IQSEC1: variants seen among roughly 807,000 people sequenced by gnomAD.
IQSEC1 encodes IQ motif and SEC7 domain-containing protein 1.
In IQSEC1, 31 loss-of-function variants were observed where a neutral mutation model predicts 91.0. That is an observed-to-expected ratio of 0.34 (90% confidence interval 0.26 to 0.46). The LOEUF (loss-of-function observed/expected upper bound fraction) is 0.46. Ranked by LOEUF, IQSEC1 falls within the 20% of genes least tolerant of loss-of-function variation. The probability of loss-of-function intolerance (pLI) is 1.00; values close to 1 mark genes in which losing one functional copy is unlikely to be tolerated. For synonymous variants in IQSEC1, 699 were observed against 662.6 expected (o/e 1.05, Z -0.84); for missense variants, 1,388 against 1,575.6 (o/e 0.88, Z 2.02).
intron 2 of IQSEC1, among the ~76,000 whole-genome samples, chr3:13,148,419 G>A (rs530425): frequency 0.096 from 14,608 of 152,192 alleles, 919 homozygotes; most frequent in Non-Finnish European, 0.14. Context: ...ACTCTGCCAC[G>A]AATCAAATCA....
chr3:13,117,723 G>A (rs7641728), intron 2 of IQSEC1, among the ~76,000 whole-genome samples: 20,450 of 150,594 alleles, frequency 0.14, 1,431 homozygotes, highest in South Asian at 0.17. Context: ...CATCTCTACT[G>A]AAAATACAAA....
chr3:13,050,288 C>A (rs922490813), intron 1 of IQSEC1, among the ~76,000 whole-genome samples: 1 of 151,986 alleles, frequency 6.6e-6, no homozygotes, highest in Non-Finnish European at 1.5e-5. Flanking sequence ...CAGCAGTGCA[C>A]AGGCCAGGAA....
At chr3:13,124,777 C>T (rs966880689) in intron 2 of IQSEC1, among the ~76,000 whole-genome samples, 1 of 43,850 alleles carries the variant, frequency 2.3e-5, no homozygotes, top group Non-Finnish European at 3.8e-5. Context: ...GCTCCTGGAT[C>T]CCCCCCAGAC....
rs552183962 is a variant in IQSEC1, at chr3:13,259,853, C to A, written c.272+22858G>T. Among the ~76,000 whole-genome samples, 1 of 152,240 alleles carries A rather than the reference C, an allele frequency of 6.6e-6. No individual in the cohort carries two copies. Among genetic ancestry groups the A allele is most frequent in the Admixed American group, 6.5e-5 (1 of 15,284 alleles). On this transcript the variant is annotated intron_variant, in intron 1 of 15. Transcript: ENST00000648114. This position sits in a 1 kb window ranked among gnomAD's most constrained non-coding sequence, Gnocchi z 4.6. The stretch of plus-strand genomic sequence containing the variant: ...GGGGCTTGCTTGTTGTGGCGCTCAG[C>A]GGGAGAAGTTTCTACCATATACAGT...
At chr3:13,102,526 T>C (rs922458821) in intron 2 of IQSEC1, among the ~76,000 whole-genome samples, 1 of 152,136 alleles carries the variant, frequency 6.6e-6, no homozygotes, top group African/African-American at 2.4e-5. Flanking sequence ...TGAAAACCTG[T>C]GCTTCACGGG....
At chr3:13,155,406 C>T (rs1707071186) in intron 2 of IQSEC1, among the ~76,000 whole-genome samples, 1 of 152,112 alleles carries the variant, frequency 6.6e-6, no homozygotes, top group South Asian at 2.1e-4. Context: ...AAACACCAAA[C>T]CTACTGAGAC....
chr3:13,103,637 A>T lies in IQSEC1; in HGVS notation c.303-56115T>A, dbSNP rs1003497131. Among the ~76,000 whole-genome samples, 4 of 152,136 alleles carry T rather than the reference A, an allele frequency of 2.6e-5. No individual in the cohort carries two copies. In the South Asian group the frequency reaches 8.3e-4, roughly 32 times the overall value. ...GGGCAATTTGCAGGATGAGCTTCAC[A>T]TGCAGCACGCACTGGGGGTCTGGCT... On this transcript the variant is annotated intron_variant, in intron 2 of 15. Coordinates refer to the IQSEC1 transcript ENST00000648114. This position sits in a 1 kb window ranked among gnomAD's most constrained non-coding sequence, Gnocchi z 4.1.
At chr3:12,932,786 G>T (rs566417347) in intron 3 of IQSEC1, among the ~76,000 whole-genome samples, 1 of 152,314 alleles carries the variant, frequency 6.6e-6, no homozygotes, top group Non-Finnish European at 1.5e-5. Flanking sequence ...TCTGGCTCCT[G>T]CACCCCTGCC....
intron 1 of IQSEC1, among the ~76,000 whole-genome samples, chr3:13,265,890 T>A (rs1256936674): frequency 9.9e-5 from 12 of 121,446 alleles, no homozygotes; most frequent in African/African-American, 2.8e-4. Context: ...TACGGGCATT[T>A]AAAAAAAAAA....
chr3:12,901,122 T>G lies in IQSEC1; in HGVS notation c.3206A>C (p.Tyr1069Ser). The G allele has an allele frequency of 1.3e-6, 2 of 1,540,110 alleles. No individual in the cohort carries two copies. The highest frequency in any genetic ancestry group is 1.4e-5 in the African/African-American group (1 of 72,682). The change falls in exon 14 of 14, where the codon TAC (tyrosine) becomes TCC (serine). Residue 1069 changes from tyrosine to serine, a missense_variant. Tyr to Ser is a moderately radical substitution (Grantham distance 144, BLOSUM62 -2). Coordinates refer to ENST00000613206, the MANE Select transcript of IQSEC1 (RefSeq NM_001134382.3). Reference protein sequence around the residue: ...HHGPHGGHPAYGAHAHGHPPL... With the variant: ...HHGPHGGHPASGAHAHGHPPL... ...CGGGTGGCCGTGGGCATGGGCCCCG[T>G]AGGCTGGGTGGCCCCCATGGGGGCC...
intron 2 of IQSEC1, among the ~76,000 whole-genome samples, chr3:13,148,282 G>GAGGAGGGAGGC (rs1706929724): frequency 6.6e-6 from 1 of 152,138 alleles, no homozygotes; most frequent in Admixed American, 6.5e-5. Flanking sequence ...CAGAGGGAGG[G>GAGGAGGGAGGC]AGGAGGGAGG....
intron 1 of IQSEC1, among the ~76,000 whole-genome samples, chr3:13,269,225 C>A (rs530117060): frequency 1.3e-5 from 2 of 152,342 alleles, no homozygotes; most frequent in South Asian, 4.1e-4. Context: ...GCCCTCAGGG[C>A]AGGACGACAG....
intron 1 of IQSEC1, among the ~76,000 whole-genome samples, chr3:13,050,400 T>A (rs2125062501): frequency 6.6e-6 from 1 of 152,278 alleles, no homozygotes; most frequent in South Asian, 2.1e-4. Flanking sequence ...AACTTGTGTG[T>A]GCCCCGGGGA....
chr3:13,152,881 A>G (rs1707022830), intron 2 of IQSEC1, among the ~76,000 whole-genome samples: 1 of 152,162 alleles, frequency 6.6e-6, no homozygotes, highest in Non-Finnish European at 1.5e-5. Flanking sequence ...AAACAAAACA[A>G]AACAAAAACA....
intron 2 of IQSEC1, among the ~76,000 whole-genome samples, chr3:12,938,909 C>G (rs1425028571): frequency 6.6e-6 from 1 of 152,212 alleles, no homozygotes; most frequent in African/African-American, 2.4e-5. Flanking sequence ...GTTCCTCCCC[C>G]AGGGGGACAC....
In IQSEC1 at chr3:13,193,015, G is replaced by A. The variant is rs66790541; in HGVS notation, c.273-28882C>T. ...GCAACAGGGGCCATCTCTGGGCAGT[G>A]GGCGAAGGTCCAGTCCTGGCCATGT... On this transcript the variant is annotated intron_variant, in intron 1 of 15. Coordinates refer to the IQSEC1 transcript ENST00000648114. This position sits in a 1 kb window ranked among gnomAD's most constrained non-coding sequence, Gnocchi z 4.2. Among the ~76,000 whole-genome samples, 4,174 of 152,368 alleles carry A rather than the reference G, an allele frequency of 0.027. 90 individuals carry two copies. Among genetic ancestry groups the A allele is most frequent in the Non-Finnish European group, 0.043 (2,951 of 68,032 alleles).
intron 1 of IQSEC1, among the ~76,000 whole-genome samples, chr3:13,204,575 G>A (rs927033540): frequency 6.6e-6 from 1 of 152,202 alleles, no homozygotes; most frequent in Non-Finnish European, 1.5e-5. Flanking sequence ...CAATGGGGAC[G>A]GAGGCGCTCA....
At chr3:13,269,331 G>T (rs150895283) in intron 1 of IQSEC1, among the ~76,000 whole-genome samples, 1 of 152,214 alleles carries the variant, frequency 6.6e-6, no homozygotes, top group Non-Finnish European at 1.5e-5. Context: ...CATCCACATC[G>T]CACTGCAGGG....
At chr3:12,966,686 C>A (rs1010720781) in intron 1 of IQSEC1, among the ~76,000 whole-genome samples, 1 of 152,116 alleles carries the variant, frequency 6.6e-6, no homozygotes, top group Non-Finnish European at 1.5e-5. Flanking sequence ...CATCACCACA[C>A]AAAGCCCCTC....
Sources: gnomAD v4.1 joint callset for allele counts (sites outside exome capture counted in the v4.1 genomes callset) on GRCh38, gnomAD v4.1.1 for gene constraint, Gnocchi (gnomAD v3.1) non-coding constraint, MANE v1.5 for transcripts, NCBI Gene and HGNC (gene_info 2026-07-23, HGNC 2026-07-21) for gene names.